PCDHGB6: variants seen among roughly 807,000 people sequenced by gnomAD.
PCDHGB6 encodes protocadherin gamma-B6.
A neutral mutation model predicts 59.1 loss-of-function variants in PCDHGB6; 51 were observed. The ratio of observed to expected loss-of-function variants is 0.86; its 90% CI spans 0.69 to 1.09. The LOEUF (loss-of-function observed/expected upper bound fraction) is 1.09. Ranked by LOEUF, PCDHGB6 falls within the 50% of genes least tolerant of loss-of-function variation. PCDHGB6 has a pLI of 0.00. For synonymous variants in PCDHGB6, 466 were observed against 495.1 expected, an observed-to-expected ratio of 0.94 and a Z score of 0.78; for missense variants, 1,148 against 1,205.1, an observed-to-expected ratio of 0.95 and a Z score of 0.70.
chr5:141,411,910 C>T (rs1248743908), intron 1 of PCDHGB6: 2 of 152,164 alleles, frequency 1.3e-5, no homozygotes, highest in East Asian at 1.9e-4. Context: ...TGCCTTTGCA[C>T]TCAGTCTCTG....
At chr5:141,420,811 CT>C (rs2096526727) in intron 1 of PCDHGB6, among the ~76,000 whole-genome samples, 1 of 152,214 alleles carries the variant, frequency 6.6e-6, no homozygotes, top group Admixed American at 6.5e-5. Flanking sequence ...TAAGCAAGCC[CT>C]TTTAATAATT....
chr5:141,414,776 T>G (rs766689016), intron 1 of PCDHGB6: 14 of 1,614,212 alleles, frequency 8.7e-6, no homozygotes, highest in Non-Finnish European at 1.1e-5. Context: ...GAGCTACAGA[T>G]GCAGGTGACA....
intron 1 of PCDHGB6, among the ~76,000 whole-genome samples, chr5:141,437,929 G>A (rs1479763331): frequency 6.6e-6 from 1 of 151,960 alleles, no homozygotes; most frequent in East Asian, 1.9e-4. Context: ...GTAGAGATGG[G>A]GTTTCACCAT....
At position 141,477,806 on chromosome 5, in the gene PCDHGB6, G is replaced by GC; in HGVS notation, c.2419-16995dup. Reference sequence around the variant, plus strand: ...ATTTGTCACTGATCGCAATGACAATGCCCCCCAGGTCCTATATCCTCGGCC... The same window carrying GC: ...ATTTGTCACTGATCGCAATGACAATGCCCCCCCAGGTCCTATATCCTCGGCC... On this transcript the variant is annotated intron_variant, in intron 1 of 3. Transcript: ENST00000520790. This position sits in a 1 kb window ranked among gnomAD's most constrained non-coding sequence, Gnocchi z 4.9. 1 of 1,614,114 alleles carries GC rather than the reference G, an allele frequency of 6.2e-7. No homozygotes were observed.
chr5:141,419,258 C>G lies in PCDHGB6; in HGVS notation c.2418+8638C>G, dbSNP rs761740232. The G allele has an allele frequency of 2.5e-6, 4 of 1,614,028 alleles. No individual in the cohort carries two copies. The Admixed American group carries it at 6.7e-5, about 27-fold the overall frequency. ...GGTCCACGTGCCAGAAAACAACCAG[C>G]CGGGTGCCTCCATAGCGCAAGTCAG... On this transcript the variant is annotated intron_variant, in intron 1 of 3. Transcript: ENST00000520790.
chr5:141,421,991 A>T, intron 1 of PCDHGB6: 1 of 1,608,656 alleles, frequency 6.2e-7, no homozygotes, highest in Non-Finnish European at 8.5e-7. Context: ...GTTCCAGAAA[A>T]CATCAGCTCC....
chr5:141,424,690 TA>T (rs796070231), intron 1 of PCDHGB6: 89 of 152,358 alleles, frequency 5.8e-4, no homozygotes, highest in African/African-American at 1.9e-3. Context: ...TCCTTCTGGC[TA>T]TTTTTTTGTT....
chr5:141,471,926 G>A (rs2099266798), intron 1 of PCDHGB6, among the ~76,000 whole-genome samples: 2 of 152,110 alleles, frequency 1.3e-5, no homozygotes. Flanking sequence ...AATTTTGGGG[G>A]TGATGAGAGT....
At position 141,484,465 on chromosome 5, in the gene PCDHGB6, A is replaced by G. The variant is rs2099596840; in HGVS notation, c.2419-10342A>G. On this transcript the variant is annotated intron_variant, in intron 1 of 3. Coordinates refer to ENST00000520790, the MANE Select transcript of PCDHGB6 (RefSeq NM_018926.3). ...ATTTAATTGGCTACGTTAATGTGTA[A>G]GCCTTTTCTGCAAAGAGATGGATCC... is the stretch of plus-strand genomic sequence containing the variant. Among the ~76,000 whole-genome samples, 4 of 152,236 alleles carry G rather than the reference A, an allele frequency of 2.6e-5. No individual in the cohort carries two copies. In the South Asian group the frequency reaches 6.2e-4, roughly 24 times the overall value.
At chr5:141,427,164 C>T (rs1171285271) in intron 1 of PCDHGB6, 1 of 456,682 alleles carries the variant, frequency 2.2e-6, no homozygotes, top group Non-Finnish European at 4.4e-6. Context: ...TGTGCTAGAC[C>T]ATCAAAATGG....
chr5:141,492,553 G>C (rs1184580300), intron 1 of PCDHGB6, among the ~76,000 whole-genome samples: 1 of 152,148 alleles, frequency 6.6e-6, no homozygotes, highest in Non-Finnish European at 1.5e-5. Flanking sequence ...CGGGTCGCCT[G>C]GGGGGCGGCC....
chr5:141,492,870 C>G (rs2099744684), intron 1 of PCDHGB6, among the ~76,000 whole-genome samples: 1 of 152,192 alleles, frequency 6.6e-6, no homozygotes, highest in African/African-American at 2.4e-5. Flanking sequence ...TGGCTCTCAA[C>G]CCCCAGAGAT....
Position 141,490,509 on chromosome 5 carries a change from G to A in PCDHGB6, c.2419-4298G>A. 6.2e-7 allele frequency: 1 copy of A among 1,614,072 alleles called. No individual in the cohort carries two copies. On this transcript the variant is annotated intron_variant, in intron 1 of 3. Transcript: ENST00000520790. The surrounding 1 kb of genome is among the most constrained non-coding windows in gnomAD (Gnocchi z 5.4). ...AGGCCACATCCCACTATATCATCGA[G>A]CTGCTGGCCAGCGATGCTGGTTCAC...
In PCDHGB6 at chr5:141,408,177, G is replaced by C. The variant is rs1359754385; in HGVS notation, c.-26G>C. ...GCACTTTCTCCAACTGGAAAAGCGGGGACCCAGCGAGAACCCGAGCGAACG... is the reference window on the plus strand; with the variant it reads ...GCACTTTCTCCAACTGGAAAAGCGGCGACCCAGCGAGAACCCGAGCGAACG... On this transcript the variant is annotated 5_prime_UTR_variant, in exon 1 of 4. Coordinates refer to ENST00000520790, the MANE Select transcript of PCDHGB6 (RefSeq NM_018926.3). The C allele has an allele frequency of 2.0e-6, 3 of 1,534,464 alleles. No individual in the cohort carries two copies. Among genetic ancestry groups the C allele is most frequent in the Non-Finnish European group, 2.6e-6 (3 of 1,137,738 alleles).
At chr5:141,464,228 G>A (rs1196103285) in intron 1 of PCDHGB6, among the ~76,000 whole-genome samples, 1 of 148,156 alleles carries the variant, frequency 6.7e-6, no homozygotes, top group African/African-American at 2.5e-5. Context: ...TTGCGCCACT[G>A]CACTCCAGCC....
rs753872678 is a variant in PCDHGB6, at chr5:141,431,407, C to G, written c.2418+20787C>G. 4 of 1,613,716 alleles carry G rather than the reference C, an allele frequency of 2.5e-6. No individual in the cohort carries two copies. Among genetic ancestry groups the G allele is most frequent in the Non-Finnish European group, 3.4e-6 (4 of 1,180,048 alleles). The stretch of plus-strand genomic sequence containing the variant: ...ACCACCTGGTCCTTACGGCCTCCGA[C>G]GGGGGCGACCCGGTGCGCACAGGCA... On this transcript the variant is annotated intron_variant, in intron 1 of 3. Coordinates refer to ENST00000520790, the MANE Select transcript of PCDHGB6 (RefSeq NM_018926.3). This position sits in a 1 kb window ranked among gnomAD's most constrained non-coding sequence, Gnocchi z 4.8.
intron 1 of PCDHGB6, chr5:141,428,330 T>C: frequency 1.6e-6 from 1 of 628,558 alleles, no homozygotes; most frequent in Non-Finnish European, 2.9e-6. Flanking sequence ...TTGATTTCTA[T>C]GCTCTTCTTC....
At chr5:141,441,859 G>T in intron 1 of PCDHGB6, 1 of 348,078 alleles carries the variant, frequency 2.9e-6, no homozygotes. Context: ...GGTGCTGCAC[G>T]CCGCGGAGCC....
At chr5:141,415,445 A>G (rs1225407576) in intron 1 of PCDHGB6, 7 of 1,614,202 alleles carry the variant, frequency 4.3e-6, no homozygotes, top group South Asian at 1.1e-5. Flanking sequence ...CTGCAGACCT[A>G]TTCCCACGAG....
Sources: allele counts gnomAD v4.1 joint callset (sites outside exome capture counted in the v4.1 genomes callset), GRCh38; gene constraint gnomAD v4.1.1; non-coding constraint Gnocchi (gnomAD v3.1); transcripts MANE v1.5; gene names NCBI Gene and HGNC (gene_info 2026-07-23, HGNC 2026-07-21).